ZNF608: variants seen among roughly 807,000 people sequenced by gnomAD.
The protein encoded by ZNF608 is zinc finger protein 608.
In ZNF608, 12 loss-of-function variants were observed where a neutral mutation model predicts 109.0. The ratio of observed to expected loss-of-function variants is 0.11; its 90% CI spans 0.07 to 0.18. The LOEUF (loss-of-function observed/expected upper bound fraction) is 0.18. ZNF608 is among the 10% of genes least tolerant of loss of function. ZNF608 has a pLI of 1.00. For missense variants in ZNF608, 1,707 were observed against 1,879.3 expected (o/e 0.91, Z 1.70); for synonymous variants, 732 against 717.4 (o/e 1.02, Z -0.33).
intron 2 of ZNF608, chr5:124,734,778 T>G (rs1749069605): frequency 6.6e-6 from 1 of 152,252 alleles, no homozygotes; most frequent in Admixed American, 6.5e-5. Context: ...AAAGTCTTTG[T>G]GTTTTGGCCA....
chr5:124,721,964 A>AAAAAAAAAAAAAC, intron 2 of ZNF608, among the ~76,000 whole-genome samples: 1 of 146,228 alleles, frequency 6.8e-6, no homozygotes, highest in Non-Finnish European at 1.5e-5. Context: ...AAAAAAAAAA[A>AAAAAAAAAAAAAC]AAAAAAAAGA....
intron 2 of ZNF608, among the ~76,000 whole-genome samples, chr5:124,706,404 G>T (rs1753261744): frequency 6.6e-6 from 1 of 152,144 alleles, no homozygotes; most frequent in Non-Finnish European, 1.5e-5. Flanking sequence ...ATATATCTGA[G>T]ACCTGAAATC....
At chr5:124,677,006 T>C (rs1751974603) in intron 3 of ZNF608, among the ~76,000 whole-genome samples, 1 of 152,268 alleles carries the variant, frequency 6.6e-6, no homozygotes, top group Admixed American at 6.5e-5. Flanking sequence ...AAATTTTCTA[T>C]TACTTAATCT....
intron 2 of ZNF608, among the ~76,000 whole-genome samples, chr5:124,715,866 G>A (rs576253749): frequency 1.8e-4 from 28 of 152,042 alleles, no homozygotes; most frequent in African/African-American, 4.8e-4. Context: ...AATATAGGCC[G>A]GGCGCGGTGG....
chr5:124,641,145 G>A (rs1455601318), intron 8 of ZNF608, 107 bp downstream of exon 8: 2 of 1,413,478 alleles, frequency 1.4e-6, no homozygotes, highest in Non-Finnish European at 2.0e-6. Flanking sequence ...CCTCCTGAGA[G>A]CTAATGTGAA....
chr5:124,702,113 C>T (rs1308543066), intron 2 of ZNF608, among the ~76,000 whole-genome samples: 2 of 152,200 alleles, frequency 1.3e-5, no homozygotes, highest in African/African-American at 4.8e-5. Flanking sequence ...AGTTCTTCAT[C>T]ACAAAAAGTT....
chr5:124,730,626 T>G (rs1748851596), intron 2 of ZNF608, among the ~76,000 whole-genome samples: 2 of 152,158 alleles, frequency 1.3e-5, no homozygotes, highest in Non-Finnish European at 2.9e-5. Flanking sequence ...GTATTAGACT[T>G]TGGTGTAAAC....
chr5:124,651,649 C>T (rs992557499), intron 3 of ZNF608, among the ~76,000 whole-genome samples: 1 of 152,262 alleles, frequency 6.6e-6, no homozygotes, highest in Admixed American at 6.5e-5. Context: ...TCTGCACAGA[C>T]ACTTAACATT....
At chr5:124,673,896 C>T (rs1430351980) in intron 3 of ZNF608, among the ~76,000 whole-genome samples, 3 of 151,942 alleles carry the variant, frequency 2.0e-5, no homozygotes, top group Admixed American at 1.3e-4. Context: ...AATTTGATGC[C>T]TTTTGCTGCT....
intron 3 of ZNF608, among the ~76,000 whole-genome samples, chr5:124,676,086 C>G (rs1751935226): frequency 6.6e-6 from 1 of 152,144 alleles, no homozygotes; most frequent in Admixed American, 6.5e-5. Flanking sequence ...AAGCCTGTCT[C>G]AGAAGTCATA....
At chr5:124,669,573 AT>A (rs1751629786) in intron 3 of ZNF608, among the ~76,000 whole-genome samples, 1 of 152,118 alleles carries the variant, frequency 6.6e-6, no homozygotes, top group Non-Finnish European at 1.5e-5. Context: ...ATCAGCTTCC[AT>A]TTTTGGAGGA....
At chr5:124,735,382 G>GGCTGCACGCCCCCA (rs11272202) in intron 2 of ZNF608, among the ~76,000 whole-genome samples, 2 of 152,116 alleles carry the variant, frequency 1.3e-5, no homozygotes, top group Non-Finnish European at 2.9e-5. Context: ...GCACGCCCCC[G>GGCTGCACGCCCCCA]CCGCCCCGTC....
At chr5:124,702,964 G>A (rs927151508) in intron 2 of ZNF608, among the ~76,000 whole-genome samples, 19 of 152,060 alleles carry the variant, frequency 1.2e-4, no homozygotes, top group African/African-American at 4.6e-4. Context: ...TTCTGAGAGA[G>A]GAAATTTAAG....
At chr5:124,691,977 G>C (rs1752646236) in intron 3 of ZNF608, among the ~76,000 whole-genome samples, 1 of 151,884 alleles carries the variant, frequency 6.6e-6, no homozygotes, top group African/African-American at 2.4e-5. Context: ...TGAGATTATA[G>C]AGTTTTTTCC....
intron 3 of ZNF608, among the ~76,000 whole-genome samples, chr5:124,675,719 G>A (rs1751920130): frequency 6.6e-6 from 1 of 152,112 alleles, no homozygotes. Context: ...TTATTTAAGG[G>A]AAATTCACTT....
chr5:124,656,345 G>C (rs1370463867), intron 3 of ZNF608, among the ~76,000 whole-genome samples: 1 of 152,138 alleles, frequency 6.6e-6, no homozygotes, highest in Non-Finnish European at 1.5e-5. Context: ...GGACTGAAGG[G>C]CTAAAAATTG....
chr5:124,670,577 T>C (rs777370761), intron 3 of ZNF608, among the ~76,000 whole-genome samples: 2 of 152,098 alleles, frequency 1.3e-5, no homozygotes, highest in Admixed American at 6.6e-5. Flanking sequence ...TGACGGTGAG[T>C]GTGCCTGAGG....
chr5:124,693,012 T>TC (rs1414437287), intron 3 of ZNF608, among the ~76,000 whole-genome samples: 1 of 152,174 alleles, frequency 6.6e-6, no homozygotes, highest in Non-Finnish European at 1.5e-5. Context: ...GAGTAAGTGG[T>TC]AATGACTGTT....
chr5:124,675,466 G>A (rs1751906094), intron 3 of ZNF608, among the ~76,000 whole-genome samples: 1 of 152,154 alleles, frequency 6.6e-6, no homozygotes, highest in Non-Finnish European at 1.5e-5. Flanking sequence ...CAAACATTTA[G>A]GCTAGTATGG....
Sources: gnomAD v4.1 joint callset for allele counts (sites outside exome capture counted in the v4.1 genomes callset) on GRCh38, gnomAD v4.1.1 for gene constraint, MANE v1.5 for transcripts, NCBI Gene and HGNC (gene_info 2026-07-23, HGNC 2026-07-21) for gene names.